RCAN1: variants seen among roughly 807,000 people sequenced by gnomAD.
RCAN1 encodes the protein regulator of calcineurin 1.
Under a neutral mutation model 22.9 loss-of-function variants are expected in RCAN1, and 11 were observed. The observed-to-expected ratio is 0.48, with a 90% CI of 0.30 to 0.79. The LOEUF (loss-of-function observed/expected upper bound fraction) is 0.79, where lower values mean the gene tolerates loss of function less well. Among genes scored for constraint, RCAN1 ranks in the 30% least tolerant of loss-of-function variants. The pLI is 0.06. For synonymous variants in RCAN1, 136 were observed against 142.3 expected (o/e 0.96, Z 0.32); for missense variants, 291 against 337.8 (o/e 0.86, Z 1.09).
intron 1 of RCAN1, among the ~76,000 whole-genome samples, chr21:34,579,728 C>T (rs1398738762): frequency 5.9e-5 from 9 of 152,162 alleles, no homozygotes; most frequent in South Asian, 4.2e-4. Flanking sequence ...ATGAATTATT[C>T]GAGAGTCTCA....
At chr21:34,606,937 G>T (rs1288035610) in intron 1 of RCAN1, among the ~76,000 whole-genome samples, 2 of 152,186 alleles carry the variant, frequency 1.3e-5, no homozygotes, top group Non-Finnish European at 2.9e-5. Context: ...ATGGCAGCCT[G>T]AGAAGATTAA....
intron 1 of RCAN1, among the ~76,000 whole-genome samples, chr21:34,526,314 C>T (rs1422526493): frequency 2.0e-5 from 3 of 152,200 alleles, no homozygotes; most frequent in Middle Eastern, 3.2e-3. Flanking sequence ...TTATTCACAA[C>T]GCTGGCTACA....
intron 1 of RCAN1, among the ~76,000 whole-genome samples, chr21:34,568,953 G>A (rs2268261): frequency 0.068 from 10,349 of 152,182 alleles, 726 homozygotes; most frequent in East Asian, 0.2. Flanking sequence ...ACATGGCGGC[G>A]GCAAAGGAAA....
intron 1 of RCAN1, among the ~76,000 whole-genome samples, chr21:34,597,496 G>T: frequency 6.6e-6 from 1 of 152,174 alleles, no homozygotes; most frequent in East Asian, 1.9e-4. Context: ...CTTTAAAGAA[G>T]AATTGTGTGT....
In RCAN1 at chr21:34,614,616, C is replaced by T; in HGVS notation, c.252+144G>A. 5 of 1,058,358 alleles carry T rather than the reference C, an allele frequency of 4.7e-6. No homozygotes were observed. The highest frequency in any genetic ancestry group is 4.6e-5 in the South Asian group (1 of 21,850). The allele number at this position is 1,058,358 out of a possible 1,614,324, so 65.6% of individuals were successfully genotyped here. ...CGCCGTCCCCACGCCCCAGCCCTGA[C>T]GGGTCCGCGGCCGAGCAGCCCGGGG... On this transcript the variant is annotated intron_variant, in intron 1 of 3. Coordinates refer to ENST00000313806, the MANE Select transcript of RCAN1 (RefSeq NM_004414.7). This position sits in a 1 kb window ranked among gnomAD's most constrained non-coding sequence, Gnocchi z 6.0.
intron 1 of RCAN1, among the ~76,000 whole-genome samples, chr21:34,602,362 T>C (rs1461864107): frequency 6.6e-6 from 1 of 152,174 alleles, no homozygotes; most frequent in Non-Finnish European, 1.5e-5. Flanking sequence ...ACAAGCTCTA[T>C]ACCCGCACCC....
chr21:34,606,484 A>G (rs1223798330), intron 1 of RCAN1, among the ~76,000 whole-genome samples: 1 of 152,248 alleles, frequency 6.6e-6, no homozygotes. Context: ...TATACAAAAT[A>G]AAGCACTTCA....
At chr21:34,538,020 G>A (rs1441548629) in intron 1 of RCAN1, among the ~76,000 whole-genome samples, 3 of 152,174 alleles carry the variant, frequency 2.0e-5, no homozygotes, top group East Asian at 3.9e-4. Flanking sequence ...AACCACAGTT[G>A]GTTTCTTTAG....
intron 1 of RCAN1, among the ~76,000 whole-genome samples, chr21:34,587,047 A>G (rs1987824648): frequency 6.6e-6 from 1 of 152,214 alleles, no homozygotes; most frequent in African/African-American, 2.4e-5. Flanking sequence ...GACTTTTCAA[A>G]ATATTAATAC....
intron 1 of RCAN1, among the ~76,000 whole-genome samples, chr21:34,531,799 G>A (rs181422107): frequency 1.3e-4 from 20 of 152,038 alleles, no homozygotes; most frequent in Non-Finnish European, 2.6e-4. Context: ...GTCTCTGCTC[G>A]TGCTCTCCCT....
At chr21:34,532,487 C>T (rs1181708821) in intron 1 of RCAN1, among the ~76,000 whole-genome samples, 3 of 152,236 alleles carry the variant, frequency 2.0e-5, no homozygotes, top group East Asian at 1.9e-4. Flanking sequence ...TGGTTCTAAA[C>T]GGTGAACCTC....
chr21:34,549,212 T>C (rs1326129548), intron 1 of RCAN1, among the ~76,000 whole-genome samples: 1 of 152,202 alleles, frequency 6.6e-6, no homozygotes, highest in East Asian at 1.9e-4. Context: ...CTCTGACTCA[T>C]GCTCTCAGTG....
At chr21:34,545,578 C>G (rs770062516) in intron 1 of RCAN1, among the ~76,000 whole-genome samples, 14 of 152,298 alleles carry the variant, frequency 9.2e-5, no homozygotes, top group Non-Finnish European at 1.9e-4. Flanking sequence ...CACAAAGATC[C>G]TTTGTGTTCC....
At chr21:34,581,141 A>C (rs1172011777) in intron 1 of RCAN1, among the ~76,000 whole-genome samples, 1 of 151,406 alleles carries the variant, frequency 6.6e-6, no homozygotes, top group Non-Finnish European at 1.5e-5. Flanking sequence ...TAGACTGGAA[A>C]GTCTAAATAA....
intron 1 of RCAN1, among the ~76,000 whole-genome samples, chr21:34,597,207 A>T (rs1988190019): frequency 6.6e-6 from 1 of 152,232 alleles, no homozygotes; most frequent in Non-Finnish European, 1.5e-5. Context: ...AATGAAAATT[A>T]GCAAAAGTAA....
Position 34,538,405 on chromosome 21 carries a change from G to A in RCAN1, c.253-14695C>T, listed in dbSNP as rs530786968. Among the ~76,000 whole-genome samples, 4 of 152,246 alleles carry A rather than the reference G, an allele frequency of 2.6e-5. No individual in the cohort carries two copies. In the East Asian group the frequency reaches 7.7e-4, roughly 29 times the overall value. Reference sequence around the variant, plus strand: ...CCGTGGGCTCCTCCATCCTGAGGGAGGACACAGTGGCTCTACTGTCCTCTG... The same window carrying A: ...CCGTGGGCTCCTCCATCCTGAGGGAAGACACAGTGGCTCTACTGTCCTCTG... On this transcript the variant is annotated intron_variant, in intron 1 of 3. Coordinates refer to ENST00000313806, the MANE Select transcript of RCAN1 (RefSeq NM_004414.7).
At chr21:34,581,069 G>C (rs1987589990) in intron 1 of RCAN1, among the ~76,000 whole-genome samples, 1 of 152,094 alleles carries the variant, frequency 6.6e-6, no homozygotes. Flanking sequence ...TTGTGGAGAT[G>C]GACCCACCGT....
chr21:34,614,221 A>G lies in RCAN1; in HGVS notation c.252+539T>C. Reference sequence around the variant, plus strand: ...CTGAAAGATGGTCCCCTTCCCCCCAACACAATTCCACCAAAACTGGCCAGC... The same window carrying G: ...CTGAAAGATGGTCCCCTTCCCCCCAGCACAATTCCACCAAAACTGGCCAGC... On this transcript the variant is annotated intron_variant, in intron 1 of 3. Transcript: ENST00000313806. The surrounding 1 kb of genome is among the most constrained non-coding windows in gnomAD (Gnocchi z 6.0). 1 of 994,472 alleles carries G rather than the reference A, an allele frequency of 1.0e-6. No individual in the cohort carries two copies. Among genetic ancestry groups the G allele is most frequent in the Non-Finnish European group, 1.2e-6 (1 of 834,132 alleles). 61.6% of individuals were successfully genotyped at this position (994,472 alleles called of 1,614,324 possible). A position where few individuals can be genotyped will look rare whatever the true frequency, so the allele number is the denominator to read the frequency against.
intron 1 of RCAN1, among the ~76,000 whole-genome samples, chr21:34,585,786 A>G (rs1306594483): frequency 6.6e-6 from 1 of 151,728 alleles, no homozygotes; most frequent in African/African-American, 2.4e-5. Flanking sequence ...GGAAGATAAG[A>G]AAGAAAAGGA....
Sources: gnomAD v4.1 joint callset for allele counts (sites outside exome capture counted in the v4.1 genomes callset) on GRCh38, gnomAD v4.1.1 for gene constraint, Gnocchi (gnomAD v3.1) non-coding constraint, MANE v1.5 for transcripts, NCBI Gene and HGNC (gene_info 2026-07-23, HGNC 2026-07-21) for gene names.